ATP2B2: variants seen among roughly 807,000 people sequenced by gnomAD.
The protein encoded by ATP2B2 is plasma membrane calcium-transporting ATPase 2.
Under a neutral mutation model 120.0 loss-of-function variants are expected in ATP2B2, and 15 were observed. The ratio of observed to expected loss-of-function variants is 0.12; its 90% CI spans 0.08 to 0.19. ATP2B2 has a LOEUF of 0.19. Ranked by LOEUF, ATP2B2 falls within the 10% of genes least tolerant of loss-of-function variation. The pLI, the probability that ATP2B2 is intolerant of heterozygous loss-of-function variation, is 1.00. For synonymous variants in ATP2B2, 694 were observed against 700.3 expected (o/e 0.99, Z 0.14); for missense variants, 1,045 against 1,719.8 (o/e 0.61, Z 6.94).
At chr3:10,566,105 C>G (rs1055999764) in intron 2 of ATP2B2, 2 of 152,544 alleles carry the variant, frequency 1.3e-5, no homozygotes, top group Admixed American at 6.5e-5. Flanking sequence ...TCTCCACCCA[C>G]CCTCCAACTC....
intron 2 of ATP2B2, among the ~76,000 whole-genome samples, chr3:10,611,223 ATGT>A (rs1165735547): frequency 6.6e-6 from 1 of 152,028 alleles, no homozygotes; most frequent in Non-Finnish European, 1.5e-5. Flanking sequence ...GTCTCCCCAC[ATGT>A]TGTTTTAGGT....
intron 12 of ATP2B2, among the ~76,000 whole-genome samples, chr3:10,367,385 T>C (rs1028034529): frequency 6.6e-6 from 1 of 151,988 alleles, no homozygotes; most frequent in East Asian, 1.9e-4. Context: ...GCGGTTTTCC[T>C]AGCTGCGAGA....
At chr3:10,520,829 G>A (rs1403783069) in intron 3 of ATP2B2, among the ~76,000 whole-genome samples, 2 of 147,254 alleles carry the variant, frequency 1.4e-5, no homozygotes, top group East Asian at 2.1e-4. Context: ...GATTTGTATT[G>A]GAACAAACTA....
intron 12 of ATP2B2, among the ~76,000 whole-genome samples, chr3:10,366,636 G>A (rs1304313101): frequency 2.0e-5 from 3 of 152,184 alleles, no homozygotes; most frequent in African/African-American, 4.8e-5. Flanking sequence ...ATGTAAGTCC[G>A]CTCGGGTGGT....
At chr3:10,612,989 G>T (rs2069282835) in intron 2 of ATP2B2, among the ~76,000 whole-genome samples, 1 of 152,154 alleles carries the variant, frequency 6.6e-6, no homozygotes, top group Non-Finnish European at 1.5e-5. Context: ...GCACCAGAAG[G>T]AACAACCATG....
At chr3:10,464,005 G>A (rs1047830400) in intron 1 of ATP2B2, among the ~76,000 whole-genome samples, 2 of 151,986 alleles carry the variant, frequency 1.3e-5, no homozygotes, top group Non-Finnish European at 2.9e-5. Flanking sequence ...GCAGCCCCAA[G>A]CCCCAGACCC....
intron 12 of ATP2B2, 57 bp downstream of exon 12, chr3:10,371,752 T>G: frequency 6.2e-7 from 1 of 1,613,516 alleles, no homozygotes; most frequent in African/African-American, 1.3e-5. Flanking sequence ...GCCCAGTACC[T>G]CTGTACCATC....
At chr3:10,455,101 G>C (rs560286164) in intron 1 of ATP2B2, among the ~76,000 whole-genome samples, 1 of 152,358 alleles carries the variant, frequency 6.6e-6, no homozygotes, top group East Asian at 1.9e-4. Flanking sequence ...TCTACTGCCT[G>C]TGGAAGCTGT....
intron 5 of ATP2B2, among the ~76,000 whole-genome samples, chr3:10,400,090 C>G (rs2062168083): frequency 6.6e-6 from 1 of 152,226 alleles, no homozygotes; most frequent in African/African-American, 2.4e-5. Flanking sequence ...GACAATAAGG[C>G]CTTTTGGGCG....
At chr3:10,553,171 A>T (rs1167959770) in intron 2 of ATP2B2, among the ~76,000 whole-genome samples, 1 of 152,238 alleles carries the variant, frequency 6.6e-6, no homozygotes, top group Non-Finnish European at 1.5e-5. Context: ...TATTTACTAA[A>T]ATAGCTTAGT....
intron 3 of ATP2B2, among the ~76,000 whole-genome samples, chr3:10,512,465 CACACACACACACACACA>C (rs1559431336): frequency 6.3e-4 from 7 of 11,102 alleles, no homozygotes; most frequent in East Asian, 0.012. Context: ...AGTGTGTGCG[CACACACACACACACACA>C]CACACACACA....
At chr3:10,338,789 G>T (rs2125361042) in intron 21 of ATP2B2, 1 of 282,240 alleles carries the variant, frequency 3.5e-6, no homozygotes, top group Non-Finnish European at 6.8e-6. Flanking sequence ...ACTGGGCACG[G>T]TGGAGGGTCT....
intron 2 of ATP2B2, among the ~76,000 whole-genome samples, chr3:10,617,668 G>A (rs975019091): frequency 2.5e-4 from 38 of 152,250 alleles, no homozygotes; most frequent in Non-Finnish European, 5.1e-4. Context: ...GGGCTTAGCC[G>A]TTATTCCAGA....
At chr3:10,489,121 G>A (rs1029170042) in intron 1 of ATP2B2, among the ~76,000 whole-genome samples, 11 of 152,116 alleles carry the variant, frequency 7.2e-5, no homozygotes, top group African/African-American at 2.4e-4. Flanking sequence ...TGAAACCCTC[G>A]CCCCAAACAG....
At chr3:10,478,413 G>A (rs1268887892) in intron 1 of ATP2B2, among the ~76,000 whole-genome samples, 1 of 152,066 alleles carries the variant, frequency 6.6e-6, no homozygotes, top group African/African-American at 2.4e-5. Flanking sequence ...TGTTGTCTGT[G>A]CTTTTGGTGT....
At chr3:10,419,913 T>C (rs745445944) in intron 2 of ATP2B2, among the ~76,000 whole-genome samples, 11 of 152,310 alleles carry the variant, frequency 7.2e-5, no homozygotes, top group Non-Finnish European at 1.5e-4. Flanking sequence ...CCTGCGACAA[T>C]GGGGTGCTCA....
chr3:10,589,717 A>C (rs1476321836), intron 2 of ATP2B2, among the ~76,000 whole-genome samples: 1 of 152,218 alleles, frequency 6.6e-6, no homozygotes, highest in African/African-American at 2.4e-5. Flanking sequence ...TACTTAGTAA[A>C]GTTCCTAACA....
At chr3:10,661,488 T>C (rs1004785763) in intron 1 of ATP2B2, among the ~76,000 whole-genome samples, 4 of 152,136 alleles carry the variant, frequency 2.6e-5, no homozygotes, top group African/African-American at 9.7e-5. Flanking sequence ...ATGAGTGAAC[T>C]CCCATTCACA....
intron 2 of ATP2B2, among the ~76,000 whole-genome samples, chr3:10,597,142 C>T (rs1024939796): frequency 6.6e-6 from 1 of 150,744 alleles, no homozygotes. Context: ...CAAACAGGTA[C>T]ACACAGGCAC....
Sources: gnomAD v4.1 joint callset for allele counts (sites outside exome capture counted in the v4.1 genomes callset) on GRCh38, gnomAD v4.1.1 for gene constraint, MANE v1.5 for transcripts, NCBI Gene and HGNC (gene_info 2026-07-23, HGNC 2026-07-21) for gene names.